PCDH15: variants seen among roughly 807,000 people sequenced by gnomAD.
The protein encoded by PCDH15 is protocadherin related 15, also known as protocadherin-15.
In PCDH15, 129 loss-of-function variants were observed where a neutral mutation model predicts 178.5. That is an observed-to-expected ratio of 0.72 (90% CI 0.63 to 0.84). PCDH15 has a LOEUF of 0.84. Among genes scored for constraint, PCDH15 ranks in the 40% least tolerant of loss-of-function variants. The probability of loss-of-function intolerance (pLI) is 0.00; values close to 1 mark genes in which losing one functional copy is unlikely to be tolerated. For missense variants in PCDH15, 2,230 were observed against 2,099.9 expected (o/e 1.06, Z -1.21); for synonymous variants, 800 against 732.0 (o/e 1.09, Z -1.50).
intron 2 of PCDH15, among the ~76,000 whole-genome samples, chr10:55,048,864 C>T (rs1841082141): frequency 6.6e-6 from 1 of 151,842 alleles, no homozygotes; most frequent in South Asian, 2.1e-4. Flanking sequence ...AGGTAAAAAG[C>T]AAGATCTTAG....
intron 3 of PCDH15, among the ~76,000 whole-genome samples, chr10:54,427,457 T>C (rs1311295986): frequency 6.6e-6 from 1 of 151,788 alleles, no homozygotes; most frequent in Non-Finnish European, 1.5e-5. Context: ...TTTGTATTTT[T>C]AGTAGAGACG....
In PCDH15 at chr10:53,809,481, T is replaced by C; in HGVS notation, c.4671+1075A>G. ...CTGGTGGTTTTTCGATAGTTACAAC[T>C]ACTTCTTCCTCCTCACTAGGCTCTC... On this transcript the variant is annotated intron_variant, in intron 37 of 37. Coordinates refer to ENST00000644397, the MANE Select transcript of PCDH15 (RefSeq NM_001384140.1). 1 of 1,613,916 alleles carries C rather than the reference T, an allele frequency of 6.2e-7. No homozygotes were observed. Among genetic ancestry groups the C allele is most frequent in the Non-Finnish European group, 8.5e-7 (1 of 1,179,816 alleles).
chr10:54,359,416 C>G (rs1176646637), intron 5 of PCDH15, among the ~76,000 whole-genome samples: 1 of 151,864 alleles, frequency 6.6e-6, no homozygotes, highest in African/African-American at 2.4e-5. Context: ...CATATGAGAA[C>G]TGTACACTTC....
chr10:53,892,038 T>TTC (rs905157121), intron 26 of PCDH15, among the ~76,000 whole-genome samples: 1 of 147,138 alleles, frequency 6.8e-6, no homozygotes, highest in African/African-American at 2.6e-5. Context: ...TTTTTTTTTT[T>TTC]TTTTTTCCAA....
At chr10:55,336,124 GAAAAAAAAAAAAAAAA>G (rs748988261) in intron 2 of PCDH15, among the ~76,000 whole-genome samples, 37 of 59,292 alleles carry the variant, frequency 6.2e-4, no homozygotes, top group African/African-American at 1.7e-3. Context: ...CTTGGTATTT[GAAAAAAAAAAAAAAAA>G]AAAAAAAAAA....
At chr10:54,104,871 A>G (rs1590460125) in intron 15 of PCDH15, among the ~76,000 whole-genome samples, 2 of 136,554 alleles carry the variant, frequency 1.5e-5, no homozygotes, top group Admixed American at 1.5e-4. Context: ...AAAAAAAAAG[A>G]ATCCCTGAGT....
At chr10:55,054,186 A>G (rs144422612) in intron 2 of PCDH15, among the ~76,000 whole-genome samples, 4 of 151,784 alleles carry the variant, frequency 2.6e-5, no homozygotes, top group African/African-American at 7.2e-5. Flanking sequence ...TCCACCCTCC[A>G]CCCTCCAATA....
intron 2 of PCDH15, among the ~76,000 whole-genome samples, chr10:55,087,027 T>C (rs1842188258): frequency 6.6e-6 from 1 of 152,056 alleles, no homozygotes; most frequent in Non-Finnish European, 1.5e-5. Context: ...AAAATCAAAG[T>C]TTTACAAACC....
chr10:54,637,798 G>A (rs1001395874), intron 2 of PCDH15, among the ~76,000 whole-genome samples: 6 of 151,978 alleles, frequency 3.9e-5, no homozygotes. Flanking sequence ...AAATTATCCA[G>A]TGTTTTTAAT....
At chr10:55,232,814 C>T (rs543165242) in intron 1 of PCDH15, among the ~76,000 whole-genome samples, 118 of 152,008 alleles carry the variant, frequency 7.8e-4, no homozygotes, top group Non-Finnish European at 1.5e-3. Flanking sequence ...CGGATCCTGC[C>T]AACAATCAAG....
intron 2 of PCDH15, among the ~76,000 whole-genome samples, chr10:54,554,433 G>C (rs1315182070): frequency 6.6e-6 from 1 of 152,114 alleles, no homozygotes; most frequent in Non-Finnish European, 1.5e-5. Context: ...TCTTATGTTA[G>C]TAAGAAAATT....
chr10:55,275,483 T>C (rs1218591838), intron 1 of PCDH15, among the ~76,000 whole-genome samples: 6 of 152,014 alleles, frequency 3.9e-5, no homozygotes, highest in East Asian at 3.9e-4. Flanking sequence ...TCCACTAAAA[T>C]CTTCAAATTA....
chr10:55,144,308 G>A (rs1041388101), intron 2 of PCDH15, among the ~76,000 whole-genome samples: 1 of 151,766 alleles, frequency 6.6e-6, no homozygotes, highest in African/African-American at 2.4e-5. Flanking sequence ...TTATGTGAAG[G>A]AAAATAATAG....
intron 1 of PCDH15, among the ~76,000 whole-genome samples, chr10:55,205,227 G>T (rs998695555): frequency 6.6e-6 from 1 of 152,022 alleles, no homozygotes; most frequent in African/African-American, 2.4e-5. Context: ...ATATTATTTT[G>T]CAAAGCTTAT....
At chr10:53,848,770 C>T (rs954180681) in intron 28 of PCDH15, among the ~76,000 whole-genome samples, 2 of 151,926 alleles carry the variant, frequency 1.3e-5, no homozygotes, top group East Asian at 3.9e-4. Context: ...ACCTTCATTA[C>T]GATGATTCAT....
At position 53,807,058 on chromosome 10, in the gene PCDH15, C is replaced by G. The variant is rs557955166; in HGVS notation, c.4744G>C (p.Ala1582Pro). 5 of 1,613,280 alleles carry G rather than the reference C, an allele frequency of 3.1e-6. No homozygotes were observed. The East Asian group carries it at 8.9e-5, about 29-fold the overall frequency. The change falls in exon 38 of 38, where the codon GCT becomes CCT. Residue 1582 changes from alanine (A) to proline (P), a missense_variant. By Grantham distance (27) the Ala-to-Pro change is conservative. Coordinates refer to ENST00000644397, the MANE Select transcript of PCDH15 (RefSeq NM_001384140.1). The stretch of plus-strand genomic sequence containing the variant: ...AGACGGTTTCTCTGACATTCAGGAG[C>G]ACTGTCTTCTCCAGTTGAGCTGGTT... ...YETSSTGEDS[A>P]PECQRNRLHH... is the part of the protein sequence containing the mutation.
chr10:54,714,239 C>CT (rs1345761961), intron 1 of PCDH15, among the ~76,000 whole-genome samples: 1 of 152,132 alleles, frequency 6.6e-6, no homozygotes, highest in East Asian at 1.9e-4. Flanking sequence ...AGTGAACTGT[C>CT]TATCGCAAAC....
chr10:55,289,765 A>G lies in PCDH15; in HGVS notation c.-156+29834T>C, dbSNP rs529738211. ...TGGAAACTTAATCACTATTGTAACA[A>G]TATTAACAGGTGGGTCTTTTAAGAG... On this transcript the variant is annotated intron_variant, in intron 1 of 5. Transcript: ENST00000458638. Among the ~76,000 whole-genome samples, 16 of 152,166 alleles carry G rather than the reference A, an allele frequency of 1.1e-4. No homozygotes were observed. In the East Asian group the frequency reaches 3.1e-3, roughly 29 times the overall value.
chr10:53,967,722 C>T (rs1183776466), intron 21 of PCDH15, among the ~76,000 whole-genome samples: 1 of 151,936 alleles, frequency 6.6e-6, no homozygotes, highest in Non-Finnish European at 1.5e-5. Context: ...CTATAGAAAA[C>T]ATTTAAAATC....
Sources: allele counts gnomAD v4.1 joint callset (sites outside exome capture counted in the v4.1 genomes callset), GRCh38; gene constraint gnomAD v4.1.1; transcripts MANE v1.5; gene names NCBI Gene and HGNC (gene_info 2026-07-23, HGNC 2026-07-21).